Variants in ANKFN1 observed in about 807,000 individuals in gnomAD.
The protein encoded by ANKFN1 is ankyrin repeat and fibronectin type III domain containing 1.
ANKFN1 carries 74 observed loss-of-function variants against 108.7 expected under a neutral mutation model. That is an observed-to-expected ratio of 0.68 (90% CI 0.56 to 0.83). ANKFN1 has a LOEUF of 0.83. Among genes scored for constraint, ANKFN1 ranks in the 40% least tolerant of loss-of-function variants. The probability of loss-of-function intolerance (pLI) is 0.00; values close to 1 mark genes in which losing one functional copy is unlikely to be tolerated. For synonymous variants in ANKFN1, 547 were observed against 516.2 expected (o/e 1.06, Z -0.81); for missense variants, 1,505 against 1,382.3 (o/e 1.09, Z -1.41).
intron 4 of ANKFN1, among the ~76,000 whole-genome samples, chr17:56,077,230 G>C (rs1245962366): frequency 6.6e-6 from 1 of 152,170 alleles, no homozygotes; most frequent in East Asian, 1.9e-4. Context: ...CACTGTATTG[G>C]TCAACCATTG....
chr17:56,368,542 A>C (rs1220031373), intron 6 of ANKFN1, among the ~76,000 whole-genome samples: 1 of 151,686 alleles, frequency 6.6e-6, no homozygotes, highest in Non-Finnish European at 1.5e-5. Context: ...AGCCTCCCAA[A>C]GTGTTGGGAT....
chr17:56,377,735 G>C (rs2046982637), intron 8 of ANKFN1, among the ~76,000 whole-genome samples: 1 of 152,130 alleles, frequency 6.6e-6, no homozygotes, highest in Non-Finnish European at 1.5e-5. Flanking sequence ...GAAAACATTT[G>C]CAAAAGTGAT....
chr17:56,486,642 A>G (rs979167955), intron 18 of ANKFN1, among the ~76,000 whole-genome samples: 1 of 152,194 alleles, frequency 6.6e-6, no homozygotes, highest in Non-Finnish European at 1.5e-5. Context: ...ATTTTTTTCT[A>G]TAAGTAGGAA....
At chr17:56,126,284 A>G (rs1026284256) in intron 4 of ANKFN1, among the ~76,000 whole-genome samples, 2 of 96,954 alleles carry the variant, frequency 2.1e-5, no homozygotes, top group Non-Finnish European at 4.1e-5. Context: ...AACACTCAGG[A>G]AAAAAAAAGG....
chr17:56,480,803 T>C lies in ANKFN1; in HGVS notation c.2076T>C (p.Asn692=), dbSNP rs2050667261. Residue 692 remains asparagine, a synonymous_variant, in exon 17 of 21, where the codon AAT becomes AAC. Coordinates refer to ENST00000682825, the MANE Select transcript of ANKFN1 (RefSeq NM_001370326.1). ...TGAAAGCTCTCCTTCAGCAGATCAA[T>C]ATACCTCTACACCAGGTACTAGACT... ...MAVKALLQQI[N]IPLHQARNFR... 6.2e-7 allele frequency: 1 copy of C among 1,613,774 alleles called. No individual in the cohort carries two copies. Among genetic ancestry groups the C allele is most frequent in the Non-Finnish European group, 8.5e-7 (1 of 1,179,934 alleles).
intron 2 of ANKFN1, chr17:56,215,705 C>T (rs1338877832): frequency 1.3e-5 from 2 of 152,216 alleles, no homozygotes; most frequent in African/African-American, 4.8e-5. Flanking sequence ...CACACAGGAC[C>T]CTGTGCTCAG....
rs959573842 is a variant in ANKFN1, at chr17:56,510,786, T to C, written c.2958T>C (p.Thr986=). The stretch of plus-strand genomic sequence containing the variant: ...TCACACCCAAGAACCACGCCAAGAC[T>C]GTGTCCGGTGGGCGGCCCCCGCTAG... The part of the protein sequence containing the change: ...TGFTPKNHAK[T]VSGGRPPLGF... The change falls in exon 21 of 21, where the codon ACT becomes ACC. Residue 986 remains threonine, a synonymous_variant. Transcript: ENST00000682825. 11 of 1,535,972 alleles carry C rather than the reference T, an allele frequency of 7.2e-6. No homozygotes were observed. The highest frequency in any genetic ancestry group is 1.7e-4 in the Middle Eastern group (1 of 6,012).
intron 1 of ANKFN1, among the ~76,000 whole-genome samples, chr17:56,176,493 A>G (rs1008110001): frequency 6.6e-6 from 1 of 152,218 alleles, no homozygotes; most frequent in Non-Finnish European, 1.5e-5. Context: ...AACCCATTCA[A>G]TGCGCACAAG....
At chr17:56,180,234 T>C (rs1911560236) in intron 1 of ANKFN1, among the ~76,000 whole-genome samples, 2 of 152,188 alleles carry the variant, frequency 1.3e-5, no homozygotes, top group Admixed American at 6.5e-5. Flanking sequence ...GGTCATATTC[T>C]GTCTCTGAGC....
chr17:56,510,449 T>A, intron 20 of ANKFN1, 24 bp from the exon 21 acceptor site: 1 of 1,530,218 alleles, frequency 6.5e-7, no homozygotes. Flanking sequence ...ATATTTTTCC[T>A]AACCTCAGTT....
At chr17:56,419,810 CAA>C (rs5821128) in intron 8 of ANKFN1, among the ~76,000 whole-genome samples, 3,726 of 102,054 alleles carry the variant, frequency 0.037, 121 homozygotes, top group African/African-American at 0.097. Flanking sequence ...GACCCTGTCT[CAA>C]AAAAAAAAAA....
chr17:56,507,447 C>G (rs963512519), intron 20 of ANKFN1, among the ~76,000 whole-genome samples: 2 of 152,086 alleles, frequency 1.3e-5, no homozygotes, highest in African/African-American at 4.8e-5. Context: ...TTGATCACCC[C>G]TCCTTATTAT....
chr17:56,314,416 A>T (rs1352168552), intron 3 of ANKFN1, among the ~76,000 whole-genome samples: 1 of 152,170 alleles, frequency 6.6e-6, no homozygotes, highest in Admixed American at 6.5e-5. Context: ...TTGCTCCACA[A>T]CCTCACCAAC....
intron 15 of ANKFN1, 77 bp from the exon 16 acceptor site, chr17:56,477,411 T>G: frequency 7.3e-7 from 1 of 1,374,096 alleles, no homozygotes; most frequent in South Asian, 1.7e-5. Flanking sequence ...AAGCCTTCCT[T>G]AGAAAGGAAA....
chr17:56,142,521 T>A (rs769278875), intron 4 of ANKFN1, among the ~76,000 whole-genome samples: 3 of 152,182 alleles, frequency 2.0e-5, no homozygotes, highest in Non-Finnish European at 2.9e-5. Context: ...ACCACATGCC[T>A]AAAGGGCTAA....
intron 4 of ANKFN1, among the ~76,000 whole-genome samples, chr17:56,105,798 C>A (rs1241188847): frequency 1.3e-5 from 2 of 150,118 alleles, no homozygotes; most frequent in African/African-American, 2.5e-5. Flanking sequence ...AGTCAGAAAG[C>A]CTTAGATCAG....
chr17:56,148,162 G>C (rs1328516279), intron 4 of ANKFN1, among the ~76,000 whole-genome samples: 2 of 152,218 alleles, frequency 1.3e-5, no homozygotes, highest in African/African-American at 4.8e-5. Context: ...AGAGGGTGCA[G>C]AGTAAAGTAG....
intron 4 of ANKFN1, among the ~76,000 whole-genome samples, chr17:56,086,156 T>C (rs1816363): frequency 0.071 from 10,777 of 151,020 alleles, 1,482 homozygotes; most frequent in African/African-American, 0.25. Context: ...CCTGTAGTCC[T>C]AGCACTTTGG....
intron 8 of ANKFN1, among the ~76,000 whole-genome samples, chr17:56,410,945 A>G (rs972659782): frequency 3.9e-5 from 6 of 152,130 alleles, no homozygotes; most frequent in South Asian, 2.1e-4. Flanking sequence ...ATATTCTGAA[A>G]TCCAGTTTTG....
Sources: allele counts gnomAD v4.1 joint callset (sites outside exome capture counted in the v4.1 genomes callset), GRCh38; gene constraint gnomAD v4.1.1; transcripts MANE v1.5; gene names NCBI Gene and HGNC (gene_info 2026-07-23, HGNC 2026-07-21).